Variants in PRKAB1 observed in about 807,000 individuals in gnomAD.
PRKAB1 encodes protein kinase AMP-activated non-catalytic subunit beta 1.
PRKAB1 carries 18 observed loss-of-function variants against 32.0 expected under a neutral mutation model. The ratio of observed to expected loss-of-function variants is 0.56; its 90% CI spans 0.39 to 0.83. The LOEUF is 0.83. PRKAB1 is among the 40% of genes least tolerant of loss of function. The probability of loss-of-function intolerance (pLI) is 0.00; values close to 1 mark genes in which losing one functional copy is unlikely to be tolerated. For synonymous variants in PRKAB1, 141 were observed against 141.4 expected (o/e 1.00, Z 0.02); for missense variants, 263 against 352.6 (o/e 0.75, Z 2.03).
rs7953470 is a variant in PRKAB1, at chr12:119,674,895, T to G, written c.532+441T>G. ...CTTAGCAGTCACTTATGTGGTACAT[T>G]AGCACCTTGTCAGAATCCCTTTGGG... is the stretch of plus-strand genomic sequence containing the variant. On this transcript the variant is annotated intron_variant, in intron 4 of 6. Coordinates refer to ENST00000229328, the MANE Select transcript of PRKAB1 (RefSeq NM_006253.5). The surrounding 1 kb of genome is among the most constrained non-coding windows in gnomAD (Gnocchi z 4.3). Among the ~76,000 whole-genome samples, 1,840 of 152,338 alleles carry G rather than the reference T, an allele frequency of 0.012. 40 individuals are homozygous for G. Among genetic ancestry groups the G allele is most frequent in the African/African-American group, 0.043 (1,777 of 41,576 alleles).
intron 2 of PRKAB1, among the ~76,000 whole-genome samples, chr12:119,672,711 G>A (rs576310197): frequency 2.6e-5 from 4 of 152,218 alleles, no homozygotes; most frequent in African/African-American, 7.2e-5. Flanking sequence ...CTATCTGTTC[G>A]GTCAGGACTT....
chr12:119,670,011 C>T (rs1057154277), intron 1 of PRKAB1: 5 of 152,214 alleles, frequency 3.3e-5, no homozygotes, highest in Middle Eastern at 3.2e-3. Flanking sequence ...ATGACTTAAT[C>T]GTGCTTAAGC....
At chr12:119,673,889 C>T (rs1955404631) in intron 2 of PRKAB1, 75 bp from the exon 3 acceptor site, 3 of 1,228,682 alleles carry the variant, frequency 2.4e-6, no homozygotes, top group African/African-American at 3.0e-5. Context: ...ACGTTTTGTT[C>T]TGTAGCTGGT....
intron 2 of PRKAB1, 180 bp from the exon 3 acceptor site, chr12:119,673,784 T>TA (rs1367750921): frequency 1.9e-6 from 1 of 532,196 alleles, no homozygotes; most frequent in Non-Finnish European, 3.3e-6. Flanking sequence ...GCTGCTTCCT[T>TA]ATAGCCTTTT....
Position 119,680,284 on chromosome 12 carries a change from A to T in PRKAB1, c.772A>T (p.Lys258Ter), listed in dbSNP as rs1955454467. 1 of 1,614,122 alleles carries T rather than the reference A, an allele frequency of 6.2e-7. No individual in the cohort carries two copies. Among genetic ancestry groups the T allele is most frequent in the Non-Finnish European group, 8.5e-7 (1 of 1,179,998 alleles). Reference protein sequence around the residue: ...VMVLSATHRYKKKYVTTLLYK... With the variant: ...VMVLSATHRY ...GGTGCTCAGCGCAACCCACCGGTAC[A>T]AGAAGAAGTACGTCACCACCTTGTT... The change falls in exon 7 of 7, where the codon AAG becomes TAG. Residue 258 changes from lysine to a stop codon, truncating the protein, a stop_gained. Coordinates refer to ENST00000229328, the MANE Select transcript of PRKAB1 (RefSeq NM_006253.5). LOFTEE classifies it high-confidence loss of function.
rs941861309 is a variant in PRKAB1, at chr12:119,674,789, A to G, written c.532+335A>G. ...GGCACTGAGTCAGTGACAGCCCAGC[A>G]CTGGGGAAGCCTGTGTCTCATCCCA... On this transcript the variant is annotated intron_variant, in intron 4 of 6. Coordinates refer to ENST00000229328, the MANE Select transcript of PRKAB1 (RefSeq NM_006253.5). The surrounding 1 kb of genome is among the most constrained non-coding windows in gnomAD (Gnocchi z 4.3). 4.6e-5 allele frequency among the ~76,000 whole-genome samples: 7 copies of G among 152,238 alleles called. No homozygotes were observed. Among genetic ancestry groups the G allele is most frequent in the African/African-American group, 1.7e-4 (7 of 41,474 alleles).
chr12:119,676,419 ATG>A, intron 4 of PRKAB1, 116 bp from the exon 5 acceptor site: 9 of 1,257,958 alleles, frequency 7.2e-6, no homozygotes, highest in Non-Finnish European at 1.0e-5. Flanking sequence ...CTTCAAGAGA[ATG>A]TAAATCTGCA....
chr12:119,669,317 G>T (rs1413927059), intron 1 of PRKAB1: 10 of 146,604 alleles, frequency 6.8e-5, no homozygotes, highest in African/African-American at 2.3e-4. Context: ...GCCCAGGCTG[G>T]AGTGCAGTGG....
At position 119,674,695 on chromosome 12, in the gene PRKAB1, G is replaced by A. The variant is rs934946656; in HGVS notation, c.532+241G>A. 2.6e-5 allele frequency among the ~76,000 whole-genome samples: 4 copies of A among 152,176 alleles called. No individual in the cohort carries two copies. Among genetic ancestry groups the A allele is most frequent in the East Asian group, 1.9e-4 (1 of 5,192 alleles). On this transcript the variant is annotated intron_variant, in intron 4 of 6. Transcript: ENST00000229328. The surrounding 1 kb of genome is among the most constrained non-coding windows in gnomAD (Gnocchi z 4.3). ...CAGTAGGTCTGCTTGGCCACAGAAC[G>A]CAGACAGCAGAAATGGAACCATAGC...
Position 119,674,106 on chromosome 12 carries a change from CA to C in PRKAB1, c.417+52del, listed in dbSNP as rs1251852494. The C allele has an allele frequency of 6.5e-7, 1 of 1,532,736 alleles. No homozygotes were observed. Among genetic ancestry groups the C allele is most frequent in the Admixed American group, 1.8e-5 (1 of 56,318 alleles). The allele number at this position is 1,532,736 out of a possible 1,614,324, so 94.9% of individuals were successfully genotyped here. The stretch of plus-strand genomic sequence containing the variant: ...CCTCTGGGTGCCCGCACATTCCAAA[CA>C]AATCACCTTCCCAAGAGATTGCCGC... On this transcript the variant is annotated intron_variant, in intron 3 of 6. Coordinates refer to ENST00000229328, the MANE Select transcript of PRKAB1 (RefSeq NM_006253.5). This position sits in a 1 kb window ranked among gnomAD's most constrained non-coding sequence, Gnocchi z 4.3.
chr12:119,677,499 GA>G (rs1955433849), intron 5 of PRKAB1: 6 of 152,372 alleles, frequency 3.9e-5, no homozygotes, highest in Admixed American at 3.9e-4. Flanking sequence ...CCTGTGCTGG[GA>G]GTGCCCCTGC....
At chr12:119,668,040 G>A (rs944616273), upstream of PRKAB1, 3 of 576,468 alleles carry the variant, frequency 5.2e-6, no homozygotes, top group South Asian at 8.4e-5. Context: ...CGGCTTGCCT[G>A]GGCAGGTAAA....
At position 119,679,372 on chromosome 12, in the gene PRKAB1, A is replaced by T. The variant is rs1381935310; in HGVS notation, c.667-561A>T. On this transcript the variant is annotated intron_variant, in intron 5 of 6. Transcript: ENST00000229328. The surrounding 1 kb of genome is among the most constrained non-coding windows in gnomAD (Gnocchi z 4.1). Reference sequence around the variant, plus strand: ...TTTTTTCCATTTGAATTGCATTTATAACAGTTGGGGGTATACAATGAAAAA... The same window carrying T: ...TTTTTTCCATTTGAATTGCATTTATTACAGTTGGGGGTATACAATGAAAAA... 6.5e-6 allele frequency: 1 copy of T among 153,938 alleles called. No homozygotes were observed. Among genetic ancestry groups the T allele is most frequent in the African/African-American group, 2.4e-5 (1 of 41,456 alleles). 9.5% of individuals were successfully genotyped at this position (153,938 alleles called of 1,614,324 possible). A position where few individuals can be genotyped will look rare whatever the true frequency, so the allele number is the denominator to read the frequency against.
chr12:119,679,864 TG>T lies in PRKAB1; in HGVS notation c.667-66del. The T allele has an allele frequency of 6.6e-7, 1 of 1,516,632 alleles. No homozygotes were observed. The highest frequency in any genetic ancestry group is 9.2e-7 in the Non-Finnish European group (1 of 1,091,598). The allele number at this position is 1,516,632 out of a possible 1,614,324, so 93.9% of individuals were successfully genotyped here. A position where few individuals can be genotyped will look rare whatever the true frequency, so the allele number is the denominator to read the frequency against. On this transcript the variant is annotated intron_variant, in intron 5 of 6. Transcript: ENST00000229328. The surrounding 1 kb of genome is among the most constrained non-coding windows in gnomAD (Gnocchi z 4.1). ...CCTCCTGTCCTTTGATATCTGGCAC[TG>T]GGAAGTAAAGGGGAGAATCTTGGTT...
rs377700666 is a variant in PRKAB1 at position 119,672,311 on chromosome 12, A to T, written c.170A>T (p.Lys57Met). The stretch of plus-strand genomic sequence containing the variant: ...CTGCTCTGCTTCTAGGCACCAGAGA[A>T]GGAGGAATTCCTGGCCTGGCAGCAT... ...FHSEEIKAPE[K>M]EEFLAWQHDL... The change falls in exon 2 of 7, where the codon AAG becomes ATG. Residue 57 changes from lysine to methionine, a missense_variant. Physicochemically the swap from Lys to Met is moderately conservative, Grantham distance 95 (BLOSUM62 -1). Coordinates refer to ENST00000229328, the MANE Select transcript of PRKAB1 (RefSeq NM_006253.5). 2 of 1,606,910 alleles carry T rather than the reference A, an allele frequency of 1.2e-6. No homozygotes were observed. Among genetic ancestry groups the T allele is most frequent in the African/African-American group, 2.7e-5 (2 of 74,674 alleles).
intron 6 of PRKAB1, 97 bp from the exon 7 acceptor site, chr12:119,680,151 G>A: frequency 6.7e-7 from 1 of 1,496,536 alleles, no homozygotes; most frequent in Non-Finnish European, 9.2e-7. Context: ...AGCTGGCCCG[G>A]GAATTTGTGG....
At chr12:119,676,705 G>C in intron 5 of PRKAB1, 35 bp downstream of exon 5, 1 of 1,605,780 alleles carries the variant, frequency 6.2e-7, no homozygotes, top group Non-Finnish European at 8.5e-7. Flanking sequence ...ACCATCCGCC[G>C]TGGGTCATGT....
At chr12:119,668,524 C>A in intron 1 of PRKAB1, 121 bp downstream of exon 1, 2 of 1,344,926 alleles carry the variant, frequency 1.5e-6, no homozygotes, top group Non-Finnish European at 1.0e-6. Flanking sequence ...TGGTACATTA[C>A]CCGGTGCACT....
rs373617259 is a variant in PRKAB1 at position 119,668,271 on chromosome 12, C to T, written c.27C>T (p.Ala9=). 419 of 1,607,564 alleles carry T rather than the reference C, an allele frequency of 2.6e-4. 2 individuals carry two copies. In the South Asian group the frequency reaches 4.2e-3, roughly 16 times the overall value. ...TGGGCAATACCAGCAGTGAGCGCGC[C>T]GCGCTGGAGCGGCATGGTGGCCATA... MGNTSSER[A]ALERHGGHKT... The change falls in exon 1 of 7, where the codon GCC becomes GCT. Residue 9 remains alanine (A), a synonymous_variant. Coordinates refer to ENST00000229328, the MANE Select transcript of PRKAB1 (RefSeq NM_006253.5).
Sources: gnomAD v4.1 joint callset for allele counts (sites outside exome capture counted in the v4.1 genomes callset) on GRCh38, gnomAD v4.1.1 for gene constraint, Gnocchi (gnomAD v3.1) non-coding constraint, MANE v1.5 for transcripts, NCBI Gene and HGNC (gene_info 2026-07-23, HGNC 2026-07-21) for gene names.